Variants in TMEM132D observed in about 807,000 individuals in gnomAD.
TMEM132D encodes the protein mature OL transmembrane protein.
TMEM132D carries 21 observed loss-of-function variants against 62.3 expected under a neutral mutation model. The observed-to-expected ratio is 0.34, with a 90% confidence interval of 0.24 to 0.49. The LOEUF is 0.49. Ranked by LOEUF, TMEM132D falls within the 20% of genes least tolerant of loss-of-function variation. The pLI, the probability that TMEM132D is intolerant of heterozygous loss-of-function variation, is 0.99. For synonymous variants in TMEM132D, 621 were observed against 575.6 expected (o/e 1.08, Z -1.13); for missense variants, 1,346 against 1,402.8 (o/e 0.96, Z 0.65).
At chr12:129,090,775 C>G (rs1170575722) in intron 5 of TMEM132D, among the ~76,000 whole-genome samples, 1 of 152,188 alleles carries the variant, frequency 6.6e-6, no homozygotes, top group Non-Finnish European at 1.5e-5. Context: ...TTTCTAGCAT[C>G]GCTTGAGAAT....
intron 3 of TMEM132D, among the ~76,000 whole-genome samples, chr12:129,401,580 A>C (rs1871623580): frequency 6.6e-6 from 1 of 152,080 alleles, no homozygotes; most frequent in African/African-American, 2.4e-5. Context: ...AAAAAAAAGA[A>C]AAGAAAAAGA....
intron 1 of TMEM132D, among the ~76,000 whole-genome samples, chr12:129,722,843 G>T (rs1449559971): frequency 2.7e-5 from 4 of 150,832 alleles, no homozygotes; most frequent in Admixed American, 1.3e-4. Context: ...AGATTCAAGA[G>T]ATTCTCCTGC....
intron 3 of TMEM132D, among the ~76,000 whole-genome samples, chr12:129,484,914 GT>G (rs1297152979): frequency 6.6e-6 from 1 of 152,182 alleles, no homozygotes; most frequent in Non-Finnish European, 1.5e-5. Flanking sequence ...TTACTAAGCG[GT>G]TGGGTGGGGC....
At chr12:129,590,593 A>G (rs765259188) in intron 2 of TMEM132D, among the ~76,000 whole-genome samples, 1 of 152,204 alleles carries the variant, frequency 6.6e-6, no homozygotes, top group Non-Finnish European at 1.5e-5. Flanking sequence ...GAAGGGTGAG[A>G]AGATCGCTCA....
intron 5 of TMEM132D, among the ~76,000 whole-genome samples, chr12:129,118,834 C>T (rs1445918466): frequency 1.3e-5 from 2 of 152,202 alleles, no homozygotes; most frequent in African/African-American, 2.4e-5. Flanking sequence ...CAGAGGGCAT[C>T]TCTCAGGCCC....
intron 6 of TMEM132D, among the ~76,000 whole-genome samples, chr12:129,083,878 T>G (rs888829713): frequency 6.6e-6 from 1 of 152,154 alleles, no homozygotes. Flanking sequence ...TGGTGGAGAC[T>G]CCTGGGACTC....
At position 129,374,269 on chromosome 12, in the gene TMEM132D, C is replaced by CAGAGAGAG. The variant is rs35178347; in HGVS notation, c.1116-36460_1116-36453dup. Among the ~76,000 whole-genome samples, 458 of 144,352 alleles carry CAGAGAGAG rather than the reference C, an allele frequency of 3.2e-3. 14 individuals carry two copies. Among genetic ancestry groups the CAGAGAGAG allele is most frequent in the Middle Eastern group, 0.014 (4 of 288 alleles). 94.7% of individuals were successfully genotyped at this position (144,352 alleles called of 152,430 possible). On this transcript the variant is annotated intron_variant, in intron 3 of 8. Coordinates refer to ENST00000422113, the MANE Select transcript of TMEM132D (RefSeq NM_133448.3). ...GCCTTCTCACTGTAACCTCACACAT[C>CAGAGAGAG]AGAGAGAGAGAGAGAGAGAGAGAGA...
At chr12:129,693,946 T>C (rs990208322) in intron 2 of TMEM132D, among the ~76,000 whole-genome samples, 3 of 152,202 alleles carry the variant, frequency 2.0e-5, no homozygotes, top group Admixed American at 6.5e-5. Context: ...TGAATCATCA[T>C]GTAAGGCTCC....
chr12:129,873,604 T>G (rs1334048224), intron 1 of TMEM132D, among the ~76,000 whole-genome samples: 1 of 152,196 alleles, frequency 6.6e-6, no homozygotes, highest in Admixed American at 6.5e-5. Flanking sequence ...TCTGTCTTGT[T>G]GAGAATCTTT....
At chr12:129,293,515 A>C (rs1881498454) in intron 4 of TMEM132D, among the ~76,000 whole-genome samples, 1 of 152,102 alleles carries the variant, frequency 6.6e-6, no homozygotes, top group African/African-American at 2.4e-5. Context: ...TGTGCACTTG[A>C]TTTCTATTAT....
At chr12:129,411,736 C>G (rs1204763980) in intron 3 of TMEM132D, among the ~76,000 whole-genome samples, 1 of 152,172 alleles carries the variant, frequency 6.6e-6, no homozygotes, top group Non-Finnish European at 1.5e-5. Context: ...TCTGAGGGGA[C>G]AAAACATCTC....
At chr12:129,841,751 T>A (rs1873199798) in intron 1 of TMEM132D, among the ~76,000 whole-genome samples, 1 of 152,184 alleles carries the variant, frequency 6.6e-6, no homozygotes, top group Non-Finnish European at 1.5e-5. Flanking sequence ...GAGAATGTCC[T>A]CTCTTTTCCC....
chr12:129,241,150 CAAAA>C (rs35152074), intron 4 of TMEM132D, among the ~76,000 whole-genome samples: 4 of 95,640 alleles, frequency 4.2e-5, no homozygotes, highest in East Asian at 3.1e-4. Context: ...CCTCTTACCT[CAAAA>C]AAAAAAAAAA....
intron 1 of TMEM132D, among the ~76,000 whole-genome samples, chr12:129,788,775 A>T (rs1199204450): frequency 6.6e-6 from 1 of 151,970 alleles, no homozygotes; most frequent in Admixed American, 6.6e-5. Context: ...GGGAGTCAAG[A>T]CTCTTTCTGA....
chr12:129,106,677 G>C (rs1026113903), intron 5 of TMEM132D, among the ~76,000 whole-genome samples: 2 of 152,146 alleles, frequency 1.3e-5, no homozygotes, highest in Non-Finnish European at 2.9e-5. Flanking sequence ...CAGATTGGAG[G>C]AGGGCAGGCT....
chr12:129,635,395 CAG>C (rs951670279), intron 2 of TMEM132D, among the ~76,000 whole-genome samples: 73 of 152,342 alleles, frequency 4.8e-4, no homozygotes, highest in African/African-American at 1.6e-3. Flanking sequence ...GAGTCATCCA[CAG>C]AGAGGTGCAG....
chr12:129,422,680 T>G (rs1872363057), intron 3 of TMEM132D, among the ~76,000 whole-genome samples: 1 of 152,084 alleles, frequency 6.6e-6, no homozygotes, highest in Non-Finnish European at 1.5e-5. Flanking sequence ...TAAATCTCAC[T>G]TGTGAATTTA....
At chr12:129,459,930 T>C (rs1231498413) in intron 3 of TMEM132D, among the ~76,000 whole-genome samples, 2 of 152,218 alleles carry the variant, frequency 1.3e-5, no homozygotes, top group African/African-American at 4.8e-5. Flanking sequence ...AGCATAGAAC[T>C]GGGTGTCAAA....
rs573448857 is a variant in TMEM132D at position 129,341,658 on chromosome 12, C to T, written c.1116-3841G>A. On this transcript the variant is annotated intron_variant, in intron 3 of 8. Coordinates refer to ENST00000422113, the MANE Select transcript of TMEM132D (RefSeq NM_133448.3). ...CAGACTTGGGAGTGTCCAGATATCC[C>T]AATAGCTGGAGAAAAAAGACATTAC... Among the ~76,000 whole-genome samples the T allele has an allele frequency of 2.6e-5, 4 of 152,246 alleles. No individual in the cohort carries two copies. In the South Asian group the frequency reaches 8.3e-4, roughly 32 times the overall value.
Sources: allele counts gnomAD v4.1 joint callset (sites outside exome capture counted in the v4.1 genomes callset), GRCh38; gene constraint gnomAD v4.1.1; transcripts MANE v1.5; gene names NCBI Gene and HGNC (gene_info 2026-07-23, HGNC 2026-07-21).